The following TRIM24 variants were observed in gnomAD, a reference collection of about 807,000 sequenced individuals.
TRIM24 encodes the protein tripartite motif containing 24.
Under a neutral mutation model 123.9 loss-of-function variants are expected in TRIM24, and 29 were observed. The observed-to-expected ratio is 0.23, with a 90% CI of 0.17 to 0.32. The LOEUF (loss-of-function observed/expected upper bound fraction) is 0.32, where lower values mean the gene tolerates loss of function less well. Ranked by LOEUF, TRIM24 falls within the 10% of genes least tolerant of loss-of-function variation. TRIM24 has a pLI of 1.00. For synonymous variants in TRIM24, 456 were observed against 461.1 expected (o/e 0.99, Z 0.14); for missense variants, 932 against 1,295.3 (o/e 0.72, Z 4.31).
intron 9 of TRIM24, among the ~76,000 whole-genome samples, chr7:138,564,214 A>G (rs1398652587): frequency 1.3e-5 from 2 of 152,170 alleles, no homozygotes; most frequent in Non-Finnish European, 2.9e-5. Context: ...GACCCTGTTC[A>G]TCATAATAGA....
At chr7:138,539,595 C>T (rs989659452) in intron 7 of TRIM24, among the ~76,000 whole-genome samples, 1 of 152,062 alleles carries the variant, frequency 6.6e-6, no homozygotes, top group Admixed American at 6.6e-5. Flanking sequence ...AAAGATTCAA[C>T]AGAGATTTAT....
intron 2 of TRIM24, among the ~76,000 whole-genome samples, chr7:138,508,716 T>TGTGTGC (rs1248609712): frequency 7.0e-6 from 1 of 142,724 alleles, no homozygotes; most frequent in Non-Finnish European, 1.5e-5. Flanking sequence ...TGCGTGTGTG[T>TGTGTGC]GTGCGTGTGT....
intron 1 of TRIM24, among the ~76,000 whole-genome samples, chr7:138,479,442 G>T (rs889475108): frequency 6.6e-6 from 1 of 151,818 alleles, no homozygotes. Flanking sequence ...GTGCAATCAG[G>T]GATCACTGCA....
intron 15 of TRIM24, 100 bp downstream of exon 15, chr7:138,579,632 C>T (rs1584749870): frequency 1.0e-6 from 1 of 976,598 alleles, no homozygotes; most frequent in East Asian, 2.6e-5. Context: ...TTCCACTTGG[C>T]ACAAGTGTAT....
intron 3 of TRIM24, among the ~76,000 whole-genome samples, chr7:138,515,693 A>T (rs984912216): frequency 6.6e-6 from 1 of 152,190 alleles, no homozygotes; most frequent in African/African-American, 2.4e-5. Context: ...AATATTTTAT[A>T]ACTCTTCCTT....
chr7:138,577,546 T>A lies in TRIM24; in HGVS notation c.2214T>A (p.Val738=), dbSNP rs751434438. The A allele has an allele frequency of 3.1e-6, 5 of 1,610,384 alleles. No homozygotes were observed. In the South Asian group the frequency reaches 5.5e-5, roughly 18 times the overall value. Residue 738 remains valine (V), a synonymous_variant, in exon 14 of 19, where the codon GTT becomes GTA. Transcript: ENST00000343526. ...GPPENYDFPV[V]IVKQESDEES... is the part of the protein sequence containing the mutation. ...CGGAAAATTATGATTTCCCTGTTGT[T>A]ATAGTGAAGCAAGAATCAGATGAAG...
rs963070646 is a variant in TRIM24 at position 138,554,068 on chromosome 7, A to G, written c.1262-630A>G. ...ACAAAGCAAAAGGCATCCATCCCCA[A>G]TATGGCCTGGATTCCACAGGCTGAG... On this transcript the variant is annotated intron_variant, in intron 8 of 18. Coordinates refer to ENST00000343526, the MANE Select transcript of TRIM24 (RefSeq NM_015905.3). This position sits in a 1 kb window ranked among gnomAD's most constrained non-coding sequence, Gnocchi z 4.5. Among the ~76,000 whole-genome samples the G allele has an allele frequency of 6.6e-6, 1 of 152,172 alleles. No homozygotes were observed. The highest frequency in any genetic ancestry group is 1.5e-5 in the Non-Finnish European group (1 of 68,034).
chr7:138,568,304 G>A (rs1048517366), intron 10 of TRIM24, among the ~76,000 whole-genome samples: 3 of 143,334 alleles, frequency 2.1e-5, no homozygotes, highest in African/African-American at 7.7e-5. Flanking sequence ...TGTATTTTTA[G>A]TAGAGACTGG....
At chr7:138,551,529 T>C (rs1369537480) in intron 8 of TRIM24, among the ~76,000 whole-genome samples, 1 of 152,244 alleles carries the variant, frequency 6.6e-6, no homozygotes, top group African/African-American at 2.4e-5. Flanking sequence ...ATGTTGTTTC[T>C]AATAGTATTT....
chr7:138,563,204 T>A (rs553200947), intron 9 of TRIM24, among the ~76,000 whole-genome samples: 1 of 152,282 alleles, frequency 6.6e-6, no homozygotes, highest in South Asian at 2.1e-4. Context: ...TCCTTGTCCT[T>A]ATATTCTTCA....
chr7:138,549,608 T>A (rs1041921569), intron 7 of TRIM24, among the ~76,000 whole-genome samples: 47 of 152,088 alleles, frequency 3.1e-4, no homozygotes, highest in African/African-American at 1.1e-3. Context: ...CTGAACATAA[T>A]GGTTTCAGGA....
intron 1 of TRIM24, among the ~76,000 whole-genome samples, chr7:138,474,470 C>T (rs887777120): frequency 3.9e-5 from 6 of 152,096 alleles, no homozygotes; most frequent in African/African-American, 1.4e-4. Flanking sequence ...GCCCCAATTC[C>T]TTATTTTGGT....
chr7:138,541,709 TTCTC>T lies in TRIM24; in HGVS notation c.1143+2910_1143+2913del, dbSNP rs1176684737. ...TGAGGATTTGAAGCCATGCATTGTC[TTCTC>T]TCTATGAAATTTCTAGATGGCATCA... is the stretch of plus-strand genomic sequence containing the variant. On this transcript the variant is annotated intron_variant, in intron 7 of 18. Coordinates refer to ENST00000343526, the MANE Select transcript of TRIM24 (RefSeq NM_015905.3). Among the ~76,000 whole-genome samples the T allele has an allele frequency of 6.6e-5, 10 of 152,346 alleles. No individual in the cohort carries two copies. In the East Asian group the frequency reaches 1.9e-3, roughly 29 times the overall value.
chr7:138,470,483 A>C (rs1243955240), intron 1 of TRIM24, among the ~76,000 whole-genome samples: 3 of 152,226 alleles, frequency 2.0e-5, no homozygotes, highest in Non-Finnish European at 4.4e-5. Flanking sequence ...ATCTGTTTTT[A>C]ACTAAATGTC....
rs567840472 is a variant in TRIM24, at chr7:138,488,364, C to A, written c.365-15926C>A. Among the ~76,000 whole-genome samples, 101 of 150,562 alleles carry A rather than the reference C, an allele frequency of 6.7e-4. 1 individual carries two copies. The highest frequency in any genetic ancestry group is 1.6e-4 in the Non-Finnish European group (11 of 67,758). ...CTATCTCCTTCAGTTCTGCTCTGAT[C>A]TTAGTTATTTCTTGCCTTCTGCTAG... On this transcript the variant is annotated intron_variant, in intron 1 of 18. Coordinates refer to ENST00000343526, the MANE Select transcript of TRIM24 (RefSeq NM_015905.3).
intron 1 of TRIM24, among the ~76,000 whole-genome samples, chr7:138,492,014 C>G (rs1795797198): frequency 6.6e-6 from 1 of 150,758 alleles, no homozygotes; most frequent in Admixed American, 6.6e-5. Flanking sequence ...ACTTATAATC[C>G]CAGCTATTTG....
chr7:138,516,951 A>T (rs1425948361), intron 3 of TRIM24, among the ~76,000 whole-genome samples: 3 of 151,900 alleles, frequency 2.0e-5, no homozygotes, highest in Non-Finnish European at 4.4e-5. Context: ...TACAAAAAAA[A>T]ATTAGCTGGG....
At chr7:138,461,841 A>G (rs566506565) in intron 1 of TRIM24, among the ~76,000 whole-genome samples, 63 of 152,314 alleles carry the variant, frequency 4.1e-4, no homozygotes, top group Non-Finnish European at 7.5e-4. Context: ...TTTAGAGGAA[A>G]TAGTTGATTT....
At position 138,579,006 on chromosome 7, in the gene TRIM24, A is replaced by AT. The variant is rs376095851; in HGVS notation, c.2257-192dup. Among the ~76,000 whole-genome samples, 664 of 141,656 alleles carry AT rather than the reference A, an allele frequency of 4.7e-3. 3 individuals carry two copies. The highest frequency in any genetic ancestry group is 0.017 in the African/African-American group (637 of 36,972). The allele number at this position is 141,656 out of a possible 152,430, so 92.9% of individuals were successfully genotyped here. ...TTTCTGTAGCCATCCCCAGACTTAG[A>AT]TTTTTTCTCTATTTATTTTGGTATT... On this transcript the variant is annotated intron_variant, in intron 14 of 18. Transcript: ENST00000343526.
Sources: gnomAD v4.1 joint callset for allele counts (sites outside exome capture counted in the v4.1 genomes callset) on GRCh38, gnomAD v4.1.1 for gene constraint, Gnocchi (gnomAD v3.1) non-coding constraint, MANE v1.5 for transcripts, NCBI Gene and HGNC (gene_info 2026-07-23, HGNC 2026-07-21) for gene names.